Variants in MRC1 observed in about 807,000 individuals in gnomAD.
MRC1 encodes macrophage mannose receptor 1.
MRC1 carries 62 observed loss-of-function variants against 102.9 expected under a neutral mutation model. That is an observed-to-expected ratio of 0.60 (90% CI 0.49 to 0.74). MRC1 has a LOEUF of 0.74. Among genes scored for constraint, MRC1 ranks in the 30% least tolerant of loss-of-function variants. The pLI is 0.00. For missense variants in MRC1, 1,237 were observed against 862.8 expected, an observed-to-expected ratio of 1.43 and a Z score of -5.43; for synonymous variants, 457 against 298.4, an observed-to-expected ratio of 1.53 and a Z score of -5.48.
In MRC1 at chr10:17,894,276, G is replaced by A. The variant is rs966584729; in HGVS notation, c.3214G>A (p.Asp1072Asn). 1.9e-5 allele frequency: 17 copies of A among 872,200 alleles called. No homozygotes were observed. Among genetic ancestry groups the A allele is most frequent in the Non-Finnish European group, 3.2e-5 (16 of 501,478 alleles). The allele number at this position is 872,200 out of a possible 1,614,324, so 54.0% of individuals were successfully genotyped here. A position where few individuals can be genotyped will look rare whatever the true frequency, so the allele number is the denominator to read the frequency against. The change falls in exon 23 of 30, where the codon GAC (aspartate) becomes AAC (asparagine). Residue 1072 changes from aspartate (D) to asparagine (N), a missense_variant. Coordinates refer to ENST00000569591, the MANE Select transcript of MRC1 (RefSeq NM_002438.4). ...AGGAAAATGGATGGATGATACCTGC[G>A]ACAGTAAACGAGGCTACATATGCCA... is the stretch of plus-strand genomic sequence containing the variant. ...EAGKWMDDTC[D>N]SKRGYICQTR...
intron 8 of MRC1, among the ~76,000 whole-genome samples, chr10:17,854,414 A>G (rs939491455): frequency 6.6e-6 from 1 of 152,220 alleles, no homozygotes; most frequent in African/African-American, 2.4e-5. Flanking sequence ...TTAAGAACAT[A>G]TTAGGTGTTA....
At chr10:17,882,860 T>C (rs1016463549) in intron 21 of MRC1, among the ~76,000 whole-genome samples, 148 of 152,320 alleles carry the variant, frequency 9.7e-4, no homozygotes, top group African/African-American at 3.4e-3. Flanking sequence ...AATTGATTTC[T>C]CCTCTTAACC....
At chr10:17,843,157 T>C (rs1838775630) in intron 5 of MRC1, among the ~76,000 whole-genome samples, 1 of 152,212 alleles carries the variant, frequency 6.6e-6, no homozygotes, top group Non-Finnish European at 1.5e-5. Context: ...AGAGAGGTAT[T>C]GTATTGATAA....
In MRC1 at chr10:17,823,336, G is replaced by C; in HGVS notation, c.324G>C (p.Leu108Phe). 2 of 780,792 alleles carry C rather than the reference G, an allele frequency of 2.6e-6. No individual in the cohort carries two copies. The highest frequency in any genetic ancestry group is 4.8e-6 in the Non-Finnish European group (2 of 417,952). The allele number at this position is 780,792 out of a possible 1,614,324, so 48.4% of individuals were successfully genotyped here. A position where few individuals can be genotyped will look rare whatever the true frequency, so the allele number is the denominator to read the frequency against. Residue 108 changes from leucine (L) to phenylalanine (F), a missense_variant, in exon 2 of 30, where the codon TTG (leucine) becomes TTC (phenylalanine). Transcript: ENST00000569591. ...GGGAGTGCAAAAATGACACACTTTT[G>C]GGGATCAAAGGAGAAGATTTATTTT... is the stretch of plus-strand genomic sequence containing the variant. ...QKWECKNDTLLGIKGEDLFFN... is the reference protein window; with the variant it reads ...QKWECKNDTLFGIKGEDLFFN...
At chr10:17,825,178 C>T (rs1430549599) in intron 2 of MRC1, among the ~76,000 whole-genome samples, 2 of 151,960 alleles carry the variant, frequency 1.3e-5, no homozygotes, top group African/African-American at 4.8e-5. Context: ...AAGACAGTGT[C>T]GAGAGGATGT....
At chr10:17,860,661 C>A (rs1833171127) in intron 9 of MRC1, among the ~76,000 whole-genome samples, 2 of 152,194 alleles carry the variant, frequency 1.3e-5, no homozygotes, top group Non-Finnish European at 2.9e-5. Context: ...CTCCTATGAC[C>A]AAATGATGTA....
intron 24 of MRC1, among the ~76,000 whole-genome samples, chr10:17,899,195 C>T (rs1833796655): frequency 6.6e-6 from 1 of 151,676 alleles, no homozygotes. Context: ...TAGAAATTTA[C>T]AATTTATACA....
rs968779583 is a variant in MRC1, at chr10:17,869,304, G to T, written c.1984-942G>T. On this transcript the variant is annotated intron_variant, in intron 12 of 29. Transcript: ENST00000569591. Reference sequence around the variant, plus strand: ...TCTAGCAAGTTGAGGCATCATAGGAGTCTGGGATATACTGATGTGGATATT... The same window carrying T: ...TCTAGCAAGTTGAGGCATCATAGGATTCTGGGATATACTGATGTGGATATT... Among the ~76,000 whole-genome samples the T allele has an allele frequency of 4.3e-4, 65 of 152,262 alleles. No individual in the cohort carries two copies. The South Asian group carries it at 4.6e-3, about 11-fold the overall frequency.
chr10:17,864,509 C>T (rs562532837), intron 11 of MRC1, among the ~76,000 whole-genome samples: 128 of 152,078 alleles, frequency 8.4e-4, no homozygotes, highest in African/African-American at 3.0e-3. Context: ...AAAAACCTTG[C>T]CAGGTAAGCT....
At chr10:17,838,025 C>G (rs1325034087) in intron 4 of MRC1, among the ~76,000 whole-genome samples, 4 of 151,894 alleles carry the variant, frequency 2.6e-5, no homozygotes, top group Non-Finnish European at 5.9e-5. Flanking sequence ...ACAGCAACCT[C>G]ATGAATAAAT....
At chr10:17,810,949 T>C (rs887270144) in intron 1 of MRC1, among the ~76,000 whole-genome samples, 71 of 152,116 alleles carry the variant, frequency 4.7e-4, no homozygotes, top group African/African-American at 1.6e-3. Context: ...TGCACCACCA[T>C]GCCCAGCTGA....
chr10:17,825,608 C>T (rs1225428364), intron 2 of MRC1, among the ~76,000 whole-genome samples: 2 of 152,138 alleles, frequency 1.3e-5, no homozygotes, highest in Non-Finnish European at 2.9e-5. Context: ...GTGGTGTTCA[C>T]CTGTAGTCCG....
At chr10:17,816,800 C>T (rs1838319500) in intron 1 of MRC1, among the ~76,000 whole-genome samples, 1 of 152,136 alleles carries the variant, frequency 6.6e-6, no homozygotes, top group Non-Finnish European at 1.5e-5. Context: ...ATTTTATTTG[C>T]TGATAGTCAG....
chr10:17,846,064 C>A (rs1564615709), intron 6 of MRC1, among the ~76,000 whole-genome samples: 2 of 152,180 alleles, frequency 1.3e-5, no homozygotes, highest in South Asian at 4.2e-4. Context: ...TGTGCCATCA[C>A]GCCCAGCTAA....
chr10:17,886,268 C>T (rs1833591364), intron 22 of MRC1, among the ~76,000 whole-genome samples: 1 of 151,682 alleles, frequency 6.6e-6, no homozygotes, highest in Admixed American at 6.6e-5. Flanking sequence ...AAAAAAGAAT[C>T]AACTATGGGT....
At position 17,853,118 on chromosome 10, in the gene MRC1, A is replaced by C; in HGVS notation, c.1401A>C (p.Lys467Asn). Residue 467 changes from lysine to asparagine, a missense_variant, in exon 8 of 30, where the codon AAA (lysine) becomes AAC (asparagine). Coordinates refer to ENST00000569591, the MANE Select transcript of MRC1 (RefSeq NM_002438.4). ...GACAGGAGGATTGTGTGGTGATGAAAGGCAAGGTAAGGCCACTTGAATGAC... is the reference window on the plus strand; with the variant it reads ...GACAGGAGGATTGTGTGGTGATGAACGGCAAGGTAAGGCCACTTGAATGAC... ...NNRQEDCVVM[K>N]GKDGYWADRG... 1.3e-6 allele frequency: 1 copy of C among 780,856 alleles called. No homozygotes were observed. Among genetic ancestry groups the C allele is most frequent in the South Asian group, 1.3e-5 (1 of 74,614 alleles). The allele number at this position is 780,856 out of a possible 1,614,324, so 48.4% of individuals were successfully genotyped here.
In MRC1 at chr10:17,910,265, G is replaced by A. The variant is rs1833951298; in HGVS notation, c.4171G>A (p.Val1391Ile). 1.3e-6 allele frequency: 1 copy of A among 780,754 alleles called. No individual in the cohort carries two copies. The highest frequency in any genetic ancestry group is 1.7e-5 in the Admixed American group (1 of 59,014). The allele number at this position is 780,754 out of a possible 1,614,324, so 48.4% of individuals were successfully genotyped here. Residue 1391 changes from valine to isoleucine, a missense_variant, in exon 30 of 30, where the codon GTA becomes ATA. Physicochemically the swap from Val to Ile is conservative, Grantham distance 29 (BLOSUM62 3). Transcript: ENST00000569591. ...TAAACCGTCTTCCAACGTGGCCGGAGTAGTCATCATTGTGATCCTCCTGAT... is the reference window on the plus strand; with the variant it reads ...TAAACCGTCTTCCAACGTGGCCGGAATAGTCATCATTGTGATCCTCCTGAT... ...PSKPSSNVAG[V>I]VIIVILLILT...
intron 21 of MRC1, among the ~76,000 whole-genome samples, chr10:17,883,279 C>A (rs2130694682): frequency 6.6e-6 from 1 of 152,140 alleles, no homozygotes; most frequent in East Asian, 1.9e-4. Flanking sequence ...AGGTGTGCAC[C>A]ATCATACCTG....
Position 17,879,904 on chromosome 10 carries a change from G to A in MRC1, c.2719+83G>A, listed in dbSNP as rs1833490176. The A allele has an allele frequency of 9.7e-5, 76 of 779,656 alleles. 1 individual carries two copies. The highest frequency in any genetic ancestry group is 1.1e-4 in the Non-Finnish European group (46 of 417,300). The allele number at this position is 779,656 out of a possible 1,614,324, so 48.3% of individuals were successfully genotyped here. On this transcript the variant is annotated intron_variant, in intron 19 of 29. Coordinates refer to ENST00000569591, the MANE Select transcript of MRC1 (RefSeq NM_002438.4). ...CCCTAGACTAAAAGTAGCAAGTTGT[G>A]TGCTTACATCAGACAAGATAAGAAG...
Sources: gnomAD v4.1 joint callset for allele counts (sites outside exome capture counted in the v4.1 genomes callset) on GRCh38, gnomAD v4.1.1 for gene constraint, MANE v1.5 for transcripts, NCBI Gene and HGNC (gene_info 2026-07-23, HGNC 2026-07-21) for gene names.